The following IL21 variants were observed in gnomAD, a reference collection of about 807,000 sequenced individuals.
IL21 encodes interleukin-21.
A neutral mutation model predicts 18.4 loss-of-function variants in IL21; 3 were observed. The ratio of observed to expected loss-of-function variants is 0.16; its 90% CI spans 0.07 to 0.42. IL21 has a LOEUF of 0.42. IL21 is among the 10% of genes least tolerant of loss of function. The pLI, the probability that IL21 is intolerant of heterozygous loss-of-function variation, is 0.99. For synonymous variants in IL21, 37 were observed against 62.0 expected, an observed-to-expected ratio of 0.60 and a Z score of 1.90; for missense variants, 130 against 188.4, an observed-to-expected ratio of 0.69 and a Z score of 1.81.
chr4:122,612,990 T>G (rs993408112), intron 3 of IL21, 62 bp from the exon 4 acceptor site: 39 of 1,044,042 alleles, frequency 3.7e-5, no homozygotes, highest in Admixed American at 9.9e-5. Flanking sequence ...AAATGTTTCT[T>G]AAAATTTTTT....
chr4:122,610,198 T>G lies in IL21; in HGVS notation c.*2512A>C. ...AATCAAATATATAATAAATAATTAT[T>G]AAGTTATAAACTACATAGTTCATAT... is the stretch of plus-strand genomic sequence containing the variant. On this transcript the variant is annotated 3_prime_UTR_variant, in exon 5 of 5. Transcript: ENST00000648588. Among the ~76,000 whole-genome samples, 1 of 152,276 alleles carries G rather than the reference T, an allele frequency of 6.6e-6. No individual in the cohort carries two copies. The highest frequency in any genetic ancestry group is 1.9e-4 in the East Asian group (1 of 5,192).
chr4:122,621,043 C>G lies in IL21; in HGVS notation c.-32G>C, dbSNP rs370645854. 3 of 1,595,750 alleles carry G rather than the reference C, an allele frequency of 1.9e-6. No homozygotes were observed. In the South Asian group the frequency reaches 3.4e-5, roughly 18 times the overall value. ...CAACAGTAGAGCTAGACCTTGGTCT[C>G]GTTTTCACTTCAGCTTGACTGAGAA... On this transcript the variant is annotated 5_prime_UTR_variant, in exon 1 of 5. Coordinates refer to ENST00000648588, the MANE Select transcript of IL21 (RefSeq NM_021803.4).
At chr4:122,613,807 T>C (rs1799298170) in intron 3 of IL21, among the ~76,000 whole-genome samples, 2 of 152,244 alleles carry the variant, frequency 1.3e-5, no homozygotes, top group South Asian at 4.2e-4. Flanking sequence ...TTATAAAGGG[T>C]TTTACCTCTT....
At chr4:122,618,679 G>T (rs1289435724) in intron 2 of IL21, among the ~76,000 whole-genome samples, 1 of 151,716 alleles carries the variant, frequency 6.6e-6, no homozygotes, top group Non-Finnish European at 1.5e-5. Flanking sequence ...GGTGGCGTGC[G>T]CCTGTAGTCC....
chr4:122,617,829 TA>T (rs1338930537), intron 2 of IL21, among the ~76,000 whole-genome samples: 19 of 152,076 alleles, frequency 1.2e-4, no homozygotes, highest in African/African-American at 3.9e-4. Flanking sequence ...ATTGGCTTTA[TA>T]TGCACATCAA....
At chr4:122,620,603 A>C in intron 2 of IL21, 98 bp downstream of exon 2, 1 of 1,006,330 alleles carries the variant, frequency 9.9e-7, no homozygotes, top group Non-Finnish European at 1.5e-6. Context: ...GTTCATTAAA[A>C]TTCAGTATAC....
intron 2 of IL21, among the ~76,000 whole-genome samples, chr4:122,618,365 C>T (rs1202500719): frequency 1.3e-5 from 2 of 151,880 alleles, no homozygotes; most frequent in African/African-American, 4.8e-5. Context: ...AAGCAATCCT[C>T]CAAACTTGGC....
Position 122,611,840 on chromosome 4 carries a change from A to G in IL21, c.*870T>C, listed in dbSNP as rs1184367523. 6.6e-6 allele frequency among the ~76,000 whole-genome samples: 1 copy of G among 152,162 alleles called. No individual in the cohort carries two copies. The highest frequency in any genetic ancestry group is 1.5e-5 in the Non-Finnish European group (1 of 68,006). On this transcript the variant is annotated 3_prime_UTR_variant, in exon 5 of 5. Coordinates refer to ENST00000648588, the MANE Select transcript of IL21 (RefSeq NM_021803.4). ...AAACGAAAGAAGAAAGAAGGAGACA[A>G]ATATTTGGAGTTACTAGCTTGCTCA...
intron 2 of IL21, among the ~76,000 whole-genome samples, chr4:122,618,679 G>A (rs1289435724): frequency 4.0e-5 from 6 of 151,714 alleles, no homozygotes; most frequent in South Asian, 2.1e-4. Flanking sequence ...GGTGGCGTGC[G>A]CCTGTAGTCC....
intron 3 of IL21, among the ~76,000 whole-genome samples, chr4:122,614,980 A>G (rs560017586): frequency 2.6e-5 from 4 of 152,296 alleles, no homozygotes; most frequent in Non-Finnish European, 5.9e-5. Context: ...GTCTTCTTGT[A>G]GGCTCTTTTC....
chr4:122,615,873 C>T (rs1799330571), intron 2 of IL21, 36 bp from the exon 3 acceptor site: 1 of 1,541,786 alleles, frequency 6.5e-7, no homozygotes, highest in Non-Finnish European at 8.8e-7. Context: ...TGTTAACAAA[C>T]ATTATTCAGA....
intron 2 of IL21, among the ~76,000 whole-genome samples, chr4:122,618,721 G>T (rs1468450645): frequency 7.0e-6 from 1 of 141,876 alleles, no homozygotes; most frequent in Non-Finnish European, 1.5e-5. Flanking sequence ...CAGGAGAATC[G>T]CTTGAACCTG....
At chr4:122,613,572 A>C (rs992345575) in intron 3 of IL21, among the ~76,000 whole-genome samples, 1 of 151,966 alleles carries the variant, frequency 6.6e-6, no homozygotes, top group African/African-American at 2.4e-5. Context: ...GGCTGGCCTC[A>C]AACTCCTGAT....
At chr4:122,614,435 G>A (rs1799308954) in intron 3 of IL21, among the ~76,000 whole-genome samples, 3 of 145,132 alleles carry the variant, frequency 2.1e-5, no homozygotes, top group Admixed American at 6.8e-5. Context: ...GGCTGGGTGC[G>A]ATGGCTAACA....
chr4:122,617,923 G>T (rs1189897606), intron 2 of IL21, among the ~76,000 whole-genome samples: 1 of 152,208 alleles, frequency 6.6e-6, no homozygotes, highest in Non-Finnish European at 1.5e-5. Flanking sequence ...AGAGTGAAAA[G>T]ATTAACCTTG....
At chr4:122,613,880 G>T (rs1439202570) in intron 3 of IL21, among the ~76,000 whole-genome samples, 1 of 152,134 alleles carries the variant, frequency 6.6e-6, no homozygotes, top group African/African-American at 2.4e-5. Context: ...GAAAAAACAG[G>T]ATTTCCTTGT....
At chr4:122,615,445 G>C (rs566213428) in intron 3 of IL21, among the ~76,000 whole-genome samples, 1 of 151,852 alleles carries the variant, frequency 6.6e-6, no homozygotes, top group Non-Finnish European at 1.5e-5. Context: ...GGAGAATGGC[G>C]TGAAACCGGG....
intron 3 of IL21, among the ~76,000 whole-genome samples, chr4:122,613,828 G>A (rs1055460348): frequency 6.6e-6 from 1 of 152,134 alleles, no homozygotes; most frequent in Admixed American, 6.5e-5. Context: ...TTCACTTGGA[G>A]CATTCTTATT....
At position 122,615,783 on chromosome 4, in the gene IL21, C is replaced by T; in HGVS notation, c.259G>A (p.Ala87Thr). 1.9e-6 allele frequency: 3 copies of T among 1,613,504 alleles called. No individual in the cohort carries two copies. The highest frequency in any genetic ancestry group is 2.2e-5 in the East Asian group (1 of 44,866). ...ATCCTTTCATTGTTTCCTGTATTTG[C>T]TGACTTTAGTTGGGCCTTCTGAAAG... Reference protein sequence around the residue: ...SCFQKAQLKSANTGNNERIIN... With the variant: ...SCFQKAQLKSTNTGNNERIIN... Residue 87 changes from alanine (A) to threonine (T), a missense_variant, in exon 3 of 5, where the codon GCA (alanine) becomes ACA (threonine). Ala to Thr is a moderately conservative substitution (Grantham distance 58). Transcript: ENST00000648588.
Sources: gnomAD v4.1 joint callset for allele counts (sites outside exome capture counted in the v4.1 genomes callset) on GRCh38, gnomAD v4.1.1 for gene constraint, MANE v1.5 for transcripts, NCBI Gene and HGNC (gene_info 2026-07-23, HGNC 2026-07-21) for gene names.